Variants in VOPP1 observed in about 807,000 individuals in gnomAD.
The protein encoded by VOPP1 is WW domain binding protein VOPP1.
A neutral mutation model predicts 23.5 loss-of-function variants in VOPP1; 8 were observed. The ratio of observed to expected loss-of-function variants is 0.34; its 90% CI spans 0.20 to 0.61. The LOEUF is 0.61. Ranked by LOEUF, VOPP1 falls within the 20% of genes least tolerant of loss-of-function variation. The pLI, the probability that VOPP1 is intolerant of heterozygous loss-of-function variation, is 0.78. For missense variants in VOPP1, 174 were observed against 238.1 expected (o/e 0.73, Z 1.77); for synonymous variants, 83 against 97.3 (o/e 0.85, Z 0.86).
intron 4 of VOPP1, among the ~76,000 whole-genome samples, chr7:55,476,286 G>A (rs1356061481): frequency 6.6e-6 from 1 of 152,188 alleles, no homozygotes; most frequent in Non-Finnish European, 1.5e-5. Flanking sequence ...AAGACTGGGA[G>A]GACACGCTGT....
intron 1 of VOPP1, among the ~76,000 whole-genome samples, chr7:55,556,935 A>T (rs940769199): frequency 1.7e-4 from 26 of 152,142 alleles, no homozygotes; most frequent in African/African-American, 5.8e-4. Context: ...CCAAAAAGAA[A>T]CATCACCTAG....
At chr7:55,500,949 T>C (rs1794324446) in intron 2 of VOPP1, among the ~76,000 whole-genome samples, 1 of 152,216 alleles carries the variant, frequency 6.6e-6, no homozygotes, top group Non-Finnish European at 1.5e-5. Context: ...CCACTTGATT[T>C]TCCTATTCTT....
chr7:55,441,150 GC>G (rs1314839643), intron 4 of VOPP1, among the ~76,000 whole-genome samples: 1 of 152,128 alleles, frequency 6.6e-6, no homozygotes, highest in Non-Finnish European at 1.5e-5. Context: ...GCACAGAGCC[GC>G]CCGCTCTGCA....
chr7:55,522,722 T>C (rs1430557239), intron 1 of VOPP1, among the ~76,000 whole-genome samples: 2 of 152,160 alleles, frequency 1.3e-5, no homozygotes, highest in African/African-American at 2.4e-5. Flanking sequence ...GGGGCCTGGC[T>C]GCTCCAGGGC....
At chr7:55,546,398 T>C (rs1797370220) in intron 1 of VOPP1, among the ~76,000 whole-genome samples, 1 of 152,144 alleles carries the variant, frequency 6.6e-6, no homozygotes, top group African/African-American at 2.4e-5. Flanking sequence ...ATGCAAGAAG[T>C]TTTGGCAAAA....
At chr7:55,536,709 T>A (rs142588643) in intron 1 of VOPP1, among the ~76,000 whole-genome samples, 1 of 152,102 alleles carries the variant, frequency 6.6e-6, no homozygotes, top group East Asian at 1.9e-4. Context: ...GACACTGATA[T>A]AAAAACAACT....
intron 4 of VOPP1, among the ~76,000 whole-genome samples, chr7:55,462,810 T>C (rs925674980): frequency 6.6e-6 from 1 of 151,234 alleles, no homozygotes; most frequent in Non-Finnish European, 1.5e-5. Flanking sequence ...CGCCCGCCAC[T>C]ACGCCCAGCT....
At chr7:55,441,561 G>A (rs1470695271) in intron 4 of VOPP1, among the ~76,000 whole-genome samples, 2 of 152,100 alleles carry the variant, frequency 1.3e-5, no homozygotes, top group Admixed American at 1.3e-4. Context: ...TTTGAGTAAC[G>A]CACTTAGCAT....
downstream of VOPP1, among the ~76,000 whole-genome samples, chr7:55,466,627 G>A (rs572851826): frequency 2.6e-5 from 4 of 152,214 alleles, no homozygotes; most frequent in African/African-American, 7.2e-5. Flanking sequence ...AAAGCCATAG[G>A]AGCCCCAGAC....
intron 1 of VOPP1, among the ~76,000 whole-genome samples, chr7:55,570,641 C>T (rs970498590): frequency 2.0e-5 from 3 of 152,016 alleles, no homozygotes; most frequent in Non-Finnish European, 4.4e-5. Context: ...TCATCAAGTG[C>T]CGATTAAAAA....
chr7:55,527,671 C>T (rs1258901618), intron 1 of VOPP1, among the ~76,000 whole-genome samples: 4 of 152,150 alleles, frequency 2.6e-5, no homozygotes, highest in Non-Finnish European at 5.9e-5. Context: ...AGTAACCAAA[C>T]TTAAAAGGTA....
chr7:55,449,446 C>G (rs926569662), intron 4 of VOPP1, among the ~76,000 whole-genome samples: 1 of 152,312 alleles, frequency 6.6e-6, no homozygotes, highest in African/African-American at 2.4e-5. Context: ...TGCCGGTGCC[C>G]GGTCCTCGTT....
At chr7:55,547,039 C>T (rs546475038) in intron 1 of VOPP1, among the ~76,000 whole-genome samples, 7 of 152,388 alleles carry the variant, frequency 4.6e-5, no homozygotes, top group East Asian at 1.9e-4. Flanking sequence ...ACCGCCCAGA[C>T]TGGCAGAAGG....
intron 4 of VOPP1, among the ~76,000 whole-genome samples, chr7:55,484,642 C>T (rs1792992968): frequency 6.6e-6 from 1 of 152,084 alleles, no homozygotes; most frequent in Non-Finnish European, 1.5e-5. Flanking sequence ...ATATAATGAA[C>T]ATGTAGCAAA....
At chr7:55,453,029 G>A (rs566838441) in intron 4 of VOPP1, among the ~76,000 whole-genome samples, 44 of 148,206 alleles carry the variant, frequency 3.0e-4, no homozygotes, top group Admixed American at 1.5e-3. Context: ...TCCAGTAGAA[G>A]GCTGTTTTGT....
At chr7:55,481,068 A>G (rs62457890) in intron 4 of VOPP1, among the ~76,000 whole-genome samples, 25,183 of 152,278 alleles carry the variant, frequency 0.17, 2,244 homozygotes, top group Middle Eastern at 0.25. Context: ...GAAGGACCTC[A>G]AGGAAATGGA....
chr7:55,564,524 C>G (rs889193064), intron 1 of VOPP1, among the ~76,000 whole-genome samples: 3 of 152,052 alleles, frequency 2.0e-5, no homozygotes, highest in African/African-American at 7.2e-5. Flanking sequence ...TTTTGTCTTA[C>G]CTAGGGCAGA....
At chr7:55,531,200 G>A (rs1330914460) in intron 1 of VOPP1, among the ~76,000 whole-genome samples, 1 of 152,196 alleles carries the variant, frequency 6.6e-6, no homozygotes, top group African/African-American at 2.4e-5. Flanking sequence ...AGAATAGCCT[G>A]AAAGCAGCGA....
intron 4 of VOPP1, 158 bp downstream of exon 4, chr7:55,492,124 C>T (rs1255373687): frequency 3.7e-6 from 4 of 1,081,178 alleles, no homozygotes; most frequent in East Asian, 5.6e-5. Flanking sequence ...TTGTTATCTG[C>T]ACAAATGCAC....
Sources: gnomAD v4.1 joint callset for allele counts (sites outside exome capture counted in the v4.1 genomes callset) on GRCh38, gnomAD v4.1.1 for gene constraint, MANE v1.5 for transcripts, NCBI Gene and HGNC (gene_info 2026-07-23, HGNC 2026-07-21) for gene names.